The following MGAT4C variants were observed in gnomAD, a reference collection of about 807,000 sequenced individuals.
MGAT4C encodes the protein alpha-1,3-mannosyl-glycoprotein 4-beta-N-acetylglucosaminyltransferase C.
In MGAT4C, 19 loss-of-function variants were observed where a neutral mutation model predicts 40.1. The ratio of observed to expected loss-of-function variants is 0.47; its 90% confidence interval spans 0.33 to 0.70. The LOEUF (loss-of-function observed/expected upper bound fraction) is 0.70, where lower values mean the gene tolerates loss of function less well. Among genes scored for constraint, MGAT4C ranks in the 30% least tolerant of loss-of-function variants. The probability of loss-of-function intolerance (pLI) is 0.02; values close to 1 mark genes in which losing one functional copy is unlikely to be tolerated. For missense variants in MGAT4C, 491 were observed against 563.2 expected (o/e 0.87, Z 1.30); for synonymous variants, 181 against 187.1 (o/e 0.97, Z 0.27).
intron 2 of MGAT4C, among the ~76,000 whole-genome samples, chr12:86,617,006 AT>A (rs1314190797): frequency 6.6e-6 from 1 of 152,204 alleles, no homozygotes; most frequent in Non-Finnish European, 1.5e-5. Flanking sequence ...GCAAAAAAAA[AT>A]AATTTTAGCA....
At chr12:86,676,692 T>A (rs1461622261) in intron 2 of MGAT4C, among the ~76,000 whole-genome samples, 1 of 152,056 alleles carries the variant, frequency 6.6e-6, no homozygotes, top group Non-Finnish European at 1.5e-5. Flanking sequence ...GTTAGGAGGA[T>A]TAAAAAAGTA....
chr12:86,422,557 C>T (rs141108909), intron 3 of MGAT4C, among the ~76,000 whole-genome samples: 33 of 152,172 alleles, frequency 2.2e-4, no homozygotes, highest in Admixed American at 5.2e-4. Flanking sequence ...AATCTTATGG[C>T]CAACATGCAA....
chr12:86,408,479 C>CTCTCTGTATATATATATA (rs1267344319), intron 3 of MGAT4C, among the ~76,000 whole-genome samples: 1 of 63,368 alleles, frequency 1.6e-5, no homozygotes, highest in African/African-American at 7.8e-5. Flanking sequence ...CTCTCTCTCT[C>CTCTCTGTATATATATATA]TATATATATA....
chr12:86,053,368 C>T (rs1373351073), intron 1 of MGAT4C, among the ~76,000 whole-genome samples: 1 of 151,746 alleles, frequency 6.6e-6, no homozygotes, highest in Non-Finnish European at 1.5e-5. Context: ...CTTAGCTGAA[C>T]TAAGAATTTT....
intron 3 of MGAT4C, among the ~76,000 whole-genome samples, chr12:86,366,637 T>A (rs559197786): frequency 1.7e-3 from 266 of 152,260 alleles, no homozygotes; most frequent in African/African-American, 6.2e-3. Context: ...ACTACCCGGA[T>A]GACGAAATCA....
chr12:86,720,682 T>C (rs1354963223), intron 2 of MGAT4C, among the ~76,000 whole-genome samples: 1 of 152,150 alleles, frequency 6.6e-6, no homozygotes, highest in Non-Finnish European at 1.5e-5. Context: ...CAGGACATGA[T>C]TTACGACCTT....
At chr12:86,122,824 ATAG>A (rs1172111619) in intron 1 of MGAT4C, among the ~76,000 whole-genome samples, 1 of 152,182 alleles carries the variant, frequency 6.6e-6, no homozygotes, top group Non-Finnish European at 1.5e-5. Context: ...GCACAAAATG[ATAG>A]TATTCTTAAT....
chr12:86,628,581 G>C (rs1484852538), intron 2 of MGAT4C, among the ~76,000 whole-genome samples: 1 of 152,160 alleles, frequency 6.6e-6, no homozygotes, highest in Non-Finnish European at 1.5e-5. Flanking sequence ...AAGAGAGTGA[G>C]AGCCAATATT....
chr12:86,819,087 C>A (rs958119748), intron 1 of MGAT4C, among the ~76,000 whole-genome samples: 16 of 151,054 alleles, frequency 1.1e-4, no homozygotes, highest in Admixed American at 4.6e-4. Context: ...CAGTAATTTT[C>A]TCTTTTCTAA....
At chr12:86,800,979 ATATCT>A (rs1226971217) in intron 1 of MGAT4C, among the ~76,000 whole-genome samples, 4 of 151,860 alleles carry the variant, frequency 2.6e-5, no homozygotes, top group African/African-American at 9.7e-5. Context: ...CCTTCAGGTG[ATATCT>A]TATCACTCTG....
intron 4 of MGAT4C, among the ~76,000 whole-genome samples, chr12:86,303,761 C>T (rs1173841460): frequency 1.3e-5 from 2 of 150,380 alleles, no homozygotes; most frequent in Non-Finnish European, 2.9e-5. Context: ...ATGATTAATA[C>T]ACTAATTTCA....
chr12:86,294,684 G>A (rs1953617375), intron 4 of MGAT4C, among the ~76,000 whole-genome samples: 2 of 152,070 alleles, frequency 1.3e-5, no homozygotes, highest in South Asian at 2.1e-4. Context: ...TGTTGGGGGG[G>A]AAAAAAGTTA....
intron 3 of MGAT4C, among the ~76,000 whole-genome samples, chr12:86,337,586 CAAA>C (rs59069586): frequency 1.4e-4 from 9 of 65,622 alleles, no homozygotes; most frequent in Non-Finnish European, 1.2e-4. Flanking sequence ...AATCTTGTCT[CAAA>C]AAAAAAAAAA....
chr12:86,718,891 C>T (rs781309261), intron 2 of MGAT4C, among the ~76,000 whole-genome samples: 6 of 151,940 alleles, frequency 3.9e-5, no homozygotes, highest in Non-Finnish European at 8.8e-5. Flanking sequence ...TGAAACTAGT[C>T]CCTGGTGTCA....
intron 3 of MGAT4C, among the ~76,000 whole-genome samples, chr12:85,988,318 C>CT (rs1253773785): frequency 6.6e-6 from 1 of 152,040 alleles, no homozygotes; most frequent in Non-Finnish European, 1.5e-5. Flanking sequence ...CAGAGGACTT[C>CT]TTAGGAATAT....
chr12:86,824,627 C>T (rs1380710859), intron 1 of MGAT4C, among the ~76,000 whole-genome samples: 2 of 150,136 alleles, frequency 1.3e-5, no homozygotes, highest in South Asian at 2.1e-4. Flanking sequence ...GGTGTCATGT[C>T]CCAGAGGAAA....
chr12:86,288,825 G>T (rs7299402), intron 4 of MGAT4C, among the ~76,000 whole-genome samples: 1 of 151,658 alleles, frequency 6.6e-6, no homozygotes, highest in Admixed American at 6.6e-5. Context: ...TTTGTTGGAC[G>T]CACAGTTTGT....
In MGAT4C at chr12:86,399,283, A is replaced by G. The variant is rs146220714; in HGVS notation, c.-120+35874T>C. On this transcript the variant is annotated intron_variant, in intron 3 of 7. Coordinates refer to the MGAT4C transcript ENST00000548651. The stretch of plus-strand genomic sequence containing the variant: ...CTGAGCCCATCCTTTGTCCAATTAC[A>G]TATTTCTTTTCTTTTTTTTGAGACA... Among the ~76,000 whole-genome samples, 9 of 146,768 alleles carry G rather than the reference A, an allele frequency of 6.1e-5. 1 individual carries two copies. The highest frequency in any genetic ancestry group is 2.0e-4 in the African/African-American group (8 of 39,722).
chr12:86,536,989 T>C (rs886573330), intron 2 of MGAT4C, among the ~76,000 whole-genome samples: 3 of 152,014 alleles, frequency 2.0e-5, no homozygotes, highest in East Asian at 1.9e-4. Context: ...CAATGACAGA[T>C]GGGATTAAGA....
Sources: gnomAD v4.1 joint callset for allele counts (sites outside exome capture counted in the v4.1 genomes callset) on GRCh38, gnomAD v4.1.1 for gene constraint, MANE v1.5 for transcripts, NCBI Gene and HGNC (gene_info 2026-07-23, HGNC 2026-07-21) for gene names.